PTPRQ: variants seen among roughly 807,000 people sequenced by gnomAD.
PTPRQ encodes the protein phosphatidylinositol phosphatase PTPRQ.
PTPRQ carries 199 observed loss-of-function variants against 246.0 expected under a neutral mutation model. That is an observed-to-expected ratio of 0.81 (90% confidence interval 0.72 to 0.91). The LOEUF (loss-of-function observed/expected upper bound fraction) is 0.91, where lower values mean the gene tolerates loss of function less well. PTPRQ is among the 40% of genes least tolerant of loss of function. PTPRQ has a pLI of 0.00. For missense variants in PTPRQ, 2,624 were observed against 2,528.4 expected, an observed-to-expected ratio of 1.04 and a Z score of -0.81; for synonymous variants, 869 against 853.2, an observed-to-expected ratio of 1.02 and a Z score of -0.32.
chr12:80,546,883 TATTTTCAC>T, intron 24 of PTPRQ, 186 bp downstream of exon 24: 1 of 582,476 alleles, frequency 1.7e-6, no homozygotes, highest in Non-Finnish European at 2.7e-6. Context: ...TTTATACATA[TATTTTCAC>T]ACATGGTTTT....
intron 6 of PTPRQ, among the ~76,000 whole-genome samples, chr12:80,466,110 T>C (rs1893397919): frequency 6.6e-6 from 1 of 152,100 alleles, no homozygotes; most frequent in South Asian, 2.1e-4. Context: ...GAAAACCCCA[T>C]CGTCTCAGCC....
intron 37 of PTPRQ, 33 bp downstream of exon 37, chr12:80,649,702 G>A (rs940273564): frequency 1.6e-5 from 24 of 1,532,784 alleles, no homozygotes; most frequent in Middle Eastern, 1.7e-4. Context: ...AACATTGCAA[G>A]ACCTCCAGTC....
At chr12:80,516,769 G>A (rs1161909936) in intron 17 of PTPRQ, among the ~76,000 whole-genome samples, 1 of 152,142 alleles carries the variant, frequency 6.6e-6, no homozygotes, top group African/African-American at 2.4e-5. Flanking sequence ...CATCAGAATG[G>A]GAAGGGGGCC....
chr12:80,484,584 TTTGC>T lies in PTPRQ; in HGVS notation c.1340_1343del (p.Leu447SerfsTer8). Reference sequence around the variant, plus strand: ...AGACAGGAATAATTTTGGAAAATACTTTGCTCACTGGAAATAATGAGGTATTGCA... The same window carrying T: ...AGACAGGAATAATTTTGGAAAATACTTCACTGGAAATAATGAGGTATTGCA... On this transcript the variant is annotated frameshift_variant, in exon 9 of 45. Coordinates refer to ENST00000644991, the MANE Select transcript of PTPRQ (RefSeq NM_001145026.2). LOFTEE classifies it high-confidence loss of function. 6.4e-7 allele frequency: 1 copy of T among 1,550,596 alleles called. No individual in the cohort carries two copies. The highest frequency in any genetic ancestry group is 8.7e-7 in the Non-Finnish European group (1 of 1,146,666).
At chr12:80,643,823 G>A (rs995982168) in intron 35 of PTPRQ, among the ~76,000 whole-genome samples, 16 of 152,056 alleles carry the variant, frequency 1.1e-4, no homozygotes, top group African/African-American at 3.6e-4. Context: ...TACAAAACTT[G>A]GAAATATTAA....
At chr12:80,495,834 G>A (rs920699020) in intron 12 of PTPRQ, among the ~76,000 whole-genome samples, 165 bp from the exon 13 acceptor site, 3 of 151,982 alleles carry the variant, frequency 2.0e-5, no homozygotes, top group African/African-American at 7.2e-5. Flanking sequence ...CACCAACATG[G>A]AAAGGCCTAT....
intron 7 of PTPRQ, 95 bp downstream of exon 7, chr12:80,468,933 T>G (rs1460590234): frequency 6.9e-7 from 1 of 1,456,370 alleles, no homozygotes; most frequent in African/African-American, 1.5e-5. Context: ...CAGACTCTTT[T>G]TAAAAGACTC....
At chr12:80,528,837 A>G (rs1895765178) in intron 17 of PTPRQ, among the ~76,000 whole-genome samples, 1 of 152,152 alleles carries the variant, frequency 6.6e-6, no homozygotes, top group Admixed American at 6.6e-5. Context: ...TCTATGGATT[A>G]TTAGTGTATG....
In PTPRQ at chr12:80,482,268, A is replaced by G. The variant is rs774161915; in HGVS notation, c.1187-2165A>G. ...TTGACAAACCTGAGAAAAACAAGCA[A>G]TGGGGAAAGGATTCCTTATTTAATA... On this transcript the variant is annotated intron_variant, in intron 8 of 44. Transcript: ENST00000644991. 3.4e-3 allele frequency among the ~76,000 whole-genome samples: 509 copies of G among 151,200 alleles called. 1 individual carries two copies. Among genetic ancestry groups the G allele is most frequent in the Middle Eastern group, 0.01 (3 of 294 alleles).
At chr12:80,670,577 A>G in intron 42 of PTPRQ, 85 bp downstream of exon 42, 1 of 1,396,468 alleles carries the variant, frequency 7.2e-7, no homozygotes, top group Non-Finnish European at 9.3e-7. Context: ...TAAAATGTTC[A>G]TGTAAATTTC....
At chr12:80,662,512 A>G (rs1432906159) in intron 39 of PTPRQ, among the ~76,000 whole-genome samples, 1 of 151,950 alleles carries the variant, frequency 6.6e-6, no homozygotes, top group Non-Finnish European at 1.5e-5. Flanking sequence ...TTTCTGAGTG[A>G]AGTTTCTACA....
chr12:80,591,535 A>T (rs1166500261), intron 26 of PTPRQ, among the ~76,000 whole-genome samples: 1 of 152,192 alleles, frequency 6.6e-6, no homozygotes, highest in Admixed American at 6.5e-5. Context: ...AGGACAAAAC[A>T]GATTGTTTTC....
chr12:80,493,287 C>A lies in PTPRQ; in HGVS notation c.1372C>A (p.Pro458Thr). 6.5e-7 allele frequency: 1 copy of A among 1,532,662 alleles called. No homozygotes were observed. Among genetic ancestry groups the A allele is most frequent in the South Asian group, 1.2e-5 (1 of 80,330 alleles). 94.9% of individuals were successfully genotyped at this position (1,532,662 alleles called of 1,614,324 possible). Residue 458 changes from proline (P) to threonine (T), a missense_variant, in exon 10 of 45, where the codon CCC becomes ACC. Transcript: ENST00000644991. ...CTTTTAATTACAGTATATAAATGAC[C>A]CCATGGCTCCAGAAATTGTGAACAT... ...LTGNNEYIND[P>T]MAPEIVNIVE...
At chr12:80,567,117 A>C (rs1403342515) in intron 25 of PTPRQ, among the ~76,000 whole-genome samples, 1 of 152,210 alleles carries the variant, frequency 6.6e-6, no homozygotes, top group East Asian at 1.9e-4. Flanking sequence ...AATAGTTGAA[A>C]GTAGTTGGTG....
chr12:80,616,318 T>C (rs1898760107), intron 30 of PTPRQ, 52 bp downstream of exon 30: 1 of 1,422,730 alleles, frequency 7.0e-7, no homozygotes, highest in Non-Finnish European at 9.2e-7. Context: ...GTGATTATAA[T>C]TTAAATTCCA....
At chr12:80,540,789 A>G (rs890183254) in intron 20 of PTPRQ, among the ~76,000 whole-genome samples, 1 of 152,196 alleles carries the variant, frequency 6.6e-6, no homozygotes, top group African/African-American at 2.4e-5. Context: ...AAAATGTTAT[A>G]TTGTAATATA....
chr12:80,574,515 G>T (rs1364347494), intron 25 of PTPRQ, among the ~76,000 whole-genome samples: 1 of 151,768 alleles, frequency 6.6e-6, no homozygotes, highest in Non-Finnish European at 1.5e-5. Flanking sequence ...CTTCTACTGG[G>T]TTAACTATAT....
At chr12:80,631,566 T>C (rs766142757) in intron 33 of PTPRQ, among the ~76,000 whole-genome samples, 11 of 152,206 alleles carry the variant, frequency 7.2e-5, no homozygotes, top group Non-Finnish European at 1.3e-4. Context: ...AGCACCATTA[T>C]ATGTCTTGAA....
At chr12:80,531,586 A>G (rs1895845022) in intron 17 of PTPRQ, among the ~76,000 whole-genome samples, 2 of 152,216 alleles carry the variant, frequency 1.3e-5, no homozygotes, top group South Asian at 4.1e-4. Context: ...CAATTCGGTA[A>G]CAGCTACTAG....
Sources: gnomAD v4.1 joint callset for allele counts (sites outside exome capture counted in the v4.1 genomes callset) on GRCh38, gnomAD v4.1.1 for gene constraint, MANE v1.5 for transcripts, NCBI Gene and HGNC (gene_info 2026-07-23, HGNC 2026-07-21) for gene names.